Variants in MRPL35 observed in about 807,000 individuals in gnomAD.
The protein encoded by MRPL35 is mitochondrial ribosomal protein L35, also known as large ribosomal subunit protein bL35m.
Under a neutral mutation model 21.6 loss-of-function variants are expected in MRPL35, and 18 were observed. The ratio of observed to expected loss-of-function variants is 0.83; its 90% confidence interval spans 0.58 to 1.24. The LOEUF is 1.24. Ranked by LOEUF, MRPL35 falls within the 50% of genes most tolerant of loss-of-function variation. MRPL35 has a pLI of 0.00. For missense variants in MRPL35, 223 were observed against 223.2 expected, an observed-to-expected ratio of 1.00 and a Z score of 0.01; for synonymous variants, 87 against 86.9, an observed-to-expected ratio of 1.00 and a Z score of -0.01.
rs137860441 is a variant in MRPL35 at position 86,206,096 on chromosome 2, A to G, written c.44-10A>G. 6.3e-6 allele frequency: 10 copies of G among 1,596,266 alleles called. No individual in the cohort carries two copies. The East Asian group carries it at 1.1e-4, about 18-fold the overall frequency. ...TGGAGTATTAAATATATATGCTCCT[A>G]TCTTTACAGGAATCCTACGGCCCCT... On this transcript the variant is annotated splice_polypyrimidine_tract_variant and intron_variant, in intron 1 of 3. Coordinates refer to ENST00000337109, the MANE Select transcript of MRPL35 (RefSeq NM_016622.4).
At chr2:86,199,672 T>G in intron 1 of MRPL35, 139 bp downstream of exon 1, 2 of 1,096,638 alleles carry the variant, frequency 1.8e-6, no homozygotes, top group Non-Finnish European at 2.6e-6. Flanking sequence ...CAATTTTCTC[T>G]GGGGCGGTGT....
At position 86,210,573 on chromosome 2, in the gene MRPL35, T is replaced by C. The variant is rs140021878; in HGVS notation, c.472T>C (p.Leu158=). ...CTGCAATAAAACCCAGAGTAAACTCTTAGATAAAATGACGACGTCCTTCTG... is the reference window on the plus strand; with the variant it reads ...CTGCAATAAAACCCAGAGTAAACTCCTAGATAAAATGACGACGTCCTTCTG... ...VFCNKTQSKL[L]DKMTTSFWKR... The change falls in exon 4 of 4, where the codon TTA becomes CTA. Residue 158 remains leucine (L), a synonymous_variant. Coordinates refer to ENST00000337109, the MANE Select transcript of MRPL35 (RefSeq NM_016622.4). 3.1e-4 allele frequency: 503 copies of C among 1,614,080 alleles called. 2 individuals carry two copies. The African/African-American group carries it at 6.3e-3, about 20-fold the overall frequency.
chr2:86,209,635 T>C (rs2103915732), intron 3 of MRPL35, among the ~76,000 whole-genome samples: 1 of 152,346 alleles, frequency 6.6e-6, no homozygotes, highest in East Asian at 1.9e-4. Flanking sequence ...CTTAGAAAAG[T>C]ACTTCCTATA....
chr2:86,211,380 T>G lies in MRPL35; in HGVS notation c.*712T>G. The G allele has an allele frequency of 1.0e-6, 1 of 983,980 alleles. No individual in the cohort carries two copies. 61.0% of individuals were successfully genotyped at this position (983,980 alleles called of 1,614,324 possible). A position where few individuals can be genotyped will look rare whatever the true frequency, so the allele number is the denominator to read the frequency against. On this transcript the variant is annotated 3_prime_UTR_variant, in exon 4 of 4. Coordinates refer to ENST00000337109, the MANE Select transcript of MRPL35 (RefSeq NM_016622.4). Reference sequence around the variant, plus strand: ...TTTATACTAGGTCTGGTTGGGTCATTGTCTAGAGTAGGGATTGGCTGTCCT... The same window carrying G: ...TTTATACTAGGTCTGGTTGGGTCATGGTCTAGAGTAGGGATTGGCTGTCCT...
chr2:86,213,353 C>T lies in MRPL35; in HGVS notation c.*2685C>T. The T allele has an allele frequency of 8.0e-7, 1 of 1,243,378 alleles. No homozygotes were observed. The highest frequency in any genetic ancestry group is 1.0e-6 in the Non-Finnish European group (1 of 993,850). The allele number at this position is 1,243,378 out of a possible 1,614,324, so 77.0% of individuals were successfully genotyped here. A position where few individuals can be genotyped will look rare whatever the true frequency, so the allele number is the denominator to read the frequency against. ...CTCAGTAAATAAACGAATGGATTTC[C>T]AGCCTTTTTTTCCCATCTGTTCCTG... On this transcript the variant is annotated 3_prime_UTR_variant, in exon 4 of 4. Transcript: ENST00000337109.
At chr2:86,207,724 A>G (rs1673831681) in intron 3 of MRPL35, among the ~76,000 whole-genome samples, 1 of 152,204 alleles carries the variant, frequency 6.6e-6, no homozygotes. Context: ...CTGTAATCCC[A>G]GCACTTTGGG....
rs1673909971 is a variant in MRPL35, at chr2:86,211,995, A to G, written c.*1327A>G. 3 of 991,222 alleles carry G rather than the reference A, an allele frequency of 3.0e-6. No homozygotes were observed. Among genetic ancestry groups the G allele is most frequent in the Non-Finnish European group, 3.6e-6 (3 of 833,922 alleles). 61.4% of individuals were successfully genotyped at this position (991,222 alleles called of 1,614,324 possible). ...AGGGAAGCAGCACTGAGTAAAGTTC[A>G]ATTGAGTGGTTACAGTCTAGGGCAG... On this transcript the variant is annotated 3_prime_UTR_variant, in exon 4 of 4. Coordinates refer to ENST00000337109, the MANE Select transcript of MRPL35 (RefSeq NM_016622.4).
intron 1 of MRPL35, among the ~76,000 whole-genome samples, chr2:86,205,642 C>G (rs1161726140): frequency 1.3e-5 from 2 of 152,198 alleles, no homozygotes; most frequent in African/African-American, 2.4e-5. Flanking sequence ...TAAGGGCCTG[C>G]TCACTTTCTA....
chr2:86,204,203 C>T (rs867916278), intron 1 of MRPL35, among the ~76,000 whole-genome samples: 61 of 151,912 alleles, frequency 4.0e-4, no homozygotes, highest in African/African-American at 1.2e-3. Flanking sequence ...AGGCTGGTCT[C>T]GAACTCCTGA....
rs1673913791 is a variant in MRPL35, at chr2:86,212,136, T to C, written c.*1468T>C. Reference sequence around the variant, plus strand: ...AATTACTGTTTCAGATCCTTTAATGTGGTAGTTGGTAATAATAAGATGAAA... The same window carrying C: ...AATTACTGTTTCAGATCCTTTAATGCGGTAGTTGGTAATAATAAGATGAAA... On this transcript the variant is annotated 3_prime_UTR_variant, in exon 4 of 4. Transcript: ENST00000337109. 4 of 1,248,412 alleles carry C rather than the reference T, an allele frequency of 3.2e-6. No homozygotes were observed. The highest frequency in any genetic ancestry group is 4.0e-6 in the Non-Finnish European group (4 of 992,948). The allele number at this position is 1,248,412 out of a possible 1,614,324, so 77.3% of individuals were successfully genotyped here.
chr2:86,202,233 G>A (rs955691219), intron 1 of MRPL35, among the ~76,000 whole-genome samples: 3 of 152,056 alleles, frequency 2.0e-5, no homozygotes, highest in African/African-American at 2.4e-5. Context: ...TGTTGTTCCC[G>A]TAACCATTTT....
At position 86,210,648 on chromosome 2, in the gene MRPL35, C is replaced by G. The variant is rs372740878; in HGVS notation, c.547C>G (p.Arg183Gly). Residue 183 changes from arginine to glycine, a missense_variant, in exon 4 of 4, where the codon CGA (arginine) becomes GGA (glycine). Physicochemically the swap from Arg to Gly is moderately radical, Grantham distance 125. Transcript: ENST00000337109. ...TGATCCTTATCAGAAGTATCATGAT[C>G]GAACAAACCTGAAAGTATAGATCAG... ...VDDPYQKYHD[R>G]TNLKV 3 of 1,611,408 alleles carry G rather than the reference C, an allele frequency of 1.9e-6. No individual in the cohort carries two copies. Among genetic ancestry groups the G allele is most frequent in the Non-Finnish European group, 1.7e-6 (2 of 1,178,964 alleles).
At position 86,206,314 on chromosome 2, in the gene MRPL35, T is replaced by TG. The variant is rs2103911349; in HGVS notation, c.233+23dup. 5 of 1,571,988 alleles carry TG rather than the reference T, an allele frequency of 3.2e-6. No homozygotes were observed. Among genetic ancestry groups the TG allele is most frequent in the Middle Eastern group, 3.4e-4 (2 of 5,834 alleles). On this transcript the variant is annotated intron_variant, in intron 2 of 3. Coordinates refer to ENST00000337109, the MANE Select transcript of MRPL35 (RefSeq NM_016622.4). ...TTAATAGGTAGAGTATATTTCTTTG[T>TG]GGGGTTTTTTTTGTTTTTTGTTTTT...
rs1415573649 is a variant in MRPL35, at chr2:86,206,178, C to G, written c.116C>G (p.Ser39Cys). 6.2e-7 allele frequency: 1 copy of G among 1,613,896 alleles called. No individual in the cohort carries two copies. The highest frequency in any genetic ancestry group is 8.5e-7 in the Non-Finnish European group (1 of 1,179,784). ...RNCVKNASLI[S>C]ALSTGRFSHI... Reference sequence around the variant, plus strand: ...TGTGTCAAGAATGCCTCTCTTATTTCTGCATTGTCCACTGGACGTTTTAGT... The same window carrying G: ...TGTGTCAAGAATGCCTCTCTTATTTGTGCATTGTCCACTGGACGTTTTAGT... The change falls in exon 2 of 4, where the codon TCT becomes TGT. Residue 39 changes from serine to cysteine, a missense_variant. Physicochemically the swap from Ser to Cys is moderately radical, Grantham distance 112. Transcript: ENST00000337109.
At chr2:86,199,640 TTTAAG>T (rs1447984879) in intron 1 of MRPL35, 107 bp downstream of exon 1, 6 of 1,404,846 alleles carry the variant, frequency 4.3e-6, no homozygotes, top group African/African-American at 1.4e-5. Context: ...AGGGTCATTA[TTTAAG>T]TTAAGAAGGT....
At chr2:86,207,109 C>A in intron 2 of MRPL35, 74 bp from the exon 3 acceptor site, 1 of 1,407,470 alleles carries the variant, frequency 7.1e-7, no homozygotes, top group Non-Finnish European at 9.6e-7. Flanking sequence ...TTACTCATTT[C>A]TCAGTATAGA....
In MRPL35 at chr2:86,210,833, CTT is replaced by C; in HGVS notation, c.*167_*168del. The C allele has an allele frequency of 7.7e-7, 1 of 1,295,052 alleles. No homozygotes were observed. The highest frequency in any genetic ancestry group is 2.8e-5 in the East Asian group (1 of 35,662). 80.2% of individuals were successfully genotyped at this position (1,295,052 alleles called of 1,614,324 possible). On this transcript the variant is annotated 3_prime_UTR_variant, in exon 4 of 4. Coordinates refer to ENST00000337109, the MANE Select transcript of MRPL35 (RefSeq NM_016622.4). ...AAGTTTTAAAACTTAATGGATCAGA[CTT>C]TGCCAGATTTGGTTAGGGAAACAGA...
rs776091171 is a variant in MRPL35 at position 86,199,574 on chromosome 2, A to G, written c.43+41A>G. ...CATACTCCATGCATGCCTTCACAGA[A>G]GGGGAAACTGGTGCGGGATGGAATG... On this transcript the variant is annotated intron_variant, in intron 1 of 3. Coordinates refer to ENST00000337109, the MANE Select transcript of MRPL35 (RefSeq NM_016622.4). 2.2e-5 allele frequency: 35 copies of G among 1,612,360 alleles called. No homozygotes were observed. The African/African-American group carries it at 4.3e-4, about 20-fold the overall frequency.
chr2:86,207,402 G>C, intron 3 of MRPL35, 75 bp downstream of exon 3: 1 of 1,494,560 alleles, frequency 6.7e-7, no homozygotes, highest in South Asian at 1.3e-5. Flanking sequence ...TATAATCCCA[G>C]CACTTTGGCG....
Sources: allele counts gnomAD v4.1 joint callset (sites outside exome capture counted in the v4.1 genomes callset), GRCh38; gene constraint gnomAD v4.1.1; transcripts MANE v1.5; gene names NCBI Gene and HGNC (gene_info 2026-07-23, HGNC 2026-07-21).